The following NRCAM variants were observed in gnomAD, a reference collection of about 807,000 sequenced individuals.
The protein encoded by NRCAM is neuronal cell adhesion molecule.
In NRCAM, 83 loss-of-function variants were observed where a neutral mutation model predicts 156.5. The ratio of observed to expected loss-of-function variants is 0.53; its 90% CI spans 0.44 to 0.64. NRCAM has a LOEUF of 0.64. NRCAM is among the 30% of genes least tolerant of loss of function. NRCAM has a pLI of 0.00. For missense variants in NRCAM, 1,417 were observed against 1,597.3 expected (o/e 0.89, Z 1.92); for synonymous variants, 538 against 563.9 (o/e 0.95, Z 0.65).
intron 32 of NRCAM, among the ~76,000 whole-genome samples, chr7:108,155,844 G>A (rs4730291): frequency 0.6 from 90,688 of 151,854 alleles, 30,583 homozygotes; most frequent in East Asian, 0.82. Flanking sequence ...GTTTTATGAC[G>A]GCAGACAAAT....
chr7:108,223,675 T>A (rs1282608882), intron 11 of NRCAM, 50 bp downstream of exon 11: 1 of 915,254 alleles, frequency 1.1e-6, no homozygotes, highest in South Asian at 1.4e-5. Flanking sequence ...TCTACCAACC[T>A]ACTATATTTT....
intron 24 of NRCAM, among the ~76,000 whole-genome samples, chr7:108,181,533 C>A (rs1163088070): frequency 6.6e-6 from 1 of 151,554 alleles, no homozygotes; most frequent in African/African-American, 2.4e-5. Context: ...TATTCTAGGT[C>A]TTTAAAAAAT....
At chr7:108,361,050 G>A (rs958170877) in intron 2 of NRCAM, among the ~76,000 whole-genome samples, 10 of 152,156 alleles carry the variant, frequency 6.6e-5, no homozygotes, top group African/African-American at 2.2e-4. Context: ...CACAGAAAGA[G>A]AGAAAATATT....
intron 8 of NRCAM, among the ~76,000 whole-genome samples, chr7:108,228,498 T>C (rs910786883): frequency 2.6e-5 from 4 of 152,208 alleles, no homozygotes; most frequent in Non-Finnish European, 5.9e-5. Flanking sequence ...GCATTTTGCA[T>C]TGCACTTGAA....
chr7:108,153,039 C>G (rs948235234), intron 32 of NRCAM, among the ~76,000 whole-genome samples: 2 of 152,002 alleles, frequency 1.3e-5, no homozygotes, highest in Non-Finnish European at 2.9e-5. Context: ...ATCAATGGTT[C>G]CATTTTGAGA....
chr7:108,180,359 G>A lies in NRCAM; in HGVS notation c.2715C>T (p.Thr905=), dbSNP rs772282068. The A allele has an allele frequency of 4.3e-6, 7 of 1,614,190 alleles. No individual in the cohort carries two copies. The South Asian group carries it at 5.5e-5, about 13-fold the overall frequency. ...NRRHIEKKIL[T]FQGSKTHGML... ...TGCCATGAGTCTTGCTGCCTTGGAAGGTGAGGATCTTTTTCTCAATGTGAC... is the reference window on the plus strand; with the variant it reads ...TGCCATGAGTCTTGCTGCCTTGGAAAGTGAGGATCTTTTTCTCAATGTGAC... Residue 905 remains threonine, a synonymous_variant, in exon 25 of 33, where the codon ACC becomes ACT. Coordinates refer to ENST00000379028, the MANE Select transcript of NRCAM (RefSeq NM_001037132.4).
chr7:108,180,791 A>C (rs1487204416), intron 24 of NRCAM, among the ~76,000 whole-genome samples: 1 of 152,204 alleles, frequency 6.6e-6, no homozygotes, highest in African/African-American at 2.4e-5. Flanking sequence ...TTACTGCCCA[A>C]TGTTTACATA....
At chr7:108,276,916 G>A (rs953038454) in intron 3 of NRCAM, among the ~76,000 whole-genome samples, 2 of 152,150 alleles carry the variant, frequency 1.3e-5, no homozygotes, top group African/African-American at 4.8e-5. Context: ...AGGAGCTCTT[G>A]TAAGGCAGGC....
intron 11 of NRCAM, among the ~76,000 whole-genome samples, chr7:108,215,381 T>G (rs1042283122): frequency 6.6e-6 from 1 of 151,764 alleles, no homozygotes; most frequent in African/African-American, 2.4e-5. Flanking sequence ...CCTAGCTAAT[T>G]TTTTGTATTT....
chr7:108,382,151 CAG>C (rs1393549411), intron 2 of NRCAM, among the ~76,000 whole-genome samples: 2 of 151,826 alleles, frequency 1.3e-5, no homozygotes, highest in African/African-American at 2.4e-5. Flanking sequence ...GCTAAACCCA[CAG>C]AGTCACAGAA....
At chr7:108,216,261 G>A (rs1042777803) in intron 11 of NRCAM, among the ~76,000 whole-genome samples, 9 of 152,162 alleles carry the variant, frequency 5.9e-5, no homozygotes, top group Non-Finnish European at 1.2e-4. Flanking sequence ...CTGGCTTGTA[G>A]GGTTTCTGCC....
intron 2 of NRCAM, among the ~76,000 whole-genome samples, chr7:108,370,108 C>G (rs192947594): frequency 6.6e-5 from 10 of 152,078 alleles, no homozygotes; most frequent in Non-Finnish European, 1.0e-4. Flanking sequence ...AACTGTAGTT[C>G]TCTATACTTA....
chr7:108,323,996 G>C (rs2154216334), intron 2 of NRCAM, among the ~76,000 whole-genome samples: 1 of 152,136 alleles, frequency 6.6e-6, no homozygotes, highest in African/African-American at 2.4e-5. Flanking sequence ...CGGCCAGGTG[G>C]CTGAGAGGAG....
intron 3 of NRCAM, among the ~76,000 whole-genome samples, chr7:108,259,124 G>A (rs960819632): frequency 6.6e-6 from 1 of 152,108 alleles, no homozygotes; most frequent in Non-Finnish European, 1.5e-5. Flanking sequence ...AAATTCTATT[G>A]GACAGAGTTT....
At chr7:108,326,605 G>A (rs2099071296) in intron 2 of NRCAM, among the ~76,000 whole-genome samples, 1 of 152,172 alleles carries the variant, frequency 6.6e-6, no homozygotes, top group South Asian at 2.1e-4. Flanking sequence ...CACTTGAAGA[G>A]CAAGAAAATT....
intron 13 of NRCAM, among the ~76,000 whole-genome samples, chr7:108,206,533 A>AGAG (rs1383625052): frequency 6.6e-6 from 1 of 152,158 alleles, no homozygotes; most frequent in Non-Finnish European, 1.5e-5. Flanking sequence ...TTGGTGTCTA[A>AGAG]GAGGAGGTCT....
chr7:108,451,273 C>T (rs370352744), intron 1 of NRCAM, among the ~76,000 whole-genome samples: 3 of 151,064 alleles, frequency 2.0e-5, no homozygotes, highest in African/African-American at 7.3e-5. Context: ...GCACTTCAAA[C>T]CTATTAGGAT....
chr7:108,269,211 C>T (rs2097243745), intron 3 of NRCAM, among the ~76,000 whole-genome samples: 1 of 151,406 alleles, frequency 6.6e-6, no homozygotes, highest in African/African-American at 2.4e-5. Flanking sequence ...TGTAAAATAG[C>T]CATTTGAACA....
chr7:108,342,328 G>A (rs1173607540), intron 2 of NRCAM, among the ~76,000 whole-genome samples: 4 of 152,228 alleles, frequency 2.6e-5, no homozygotes, highest in African/African-American at 9.6e-5. Context: ...ATTATCCAAA[G>A]GCACCAGGGC....
Sources: gnomAD v4.1 joint callset for allele counts (sites outside exome capture counted in the v4.1 genomes callset) on GRCh38, gnomAD v4.1.1 for gene constraint, MANE v1.5 for transcripts, NCBI Gene and HGNC (gene_info 2026-07-23, HGNC 2026-07-21) for gene names.